CCDC7: variants seen among roughly 807,000 people sequenced by gnomAD.
CCDC7 encodes coiled-coil domain containing 7, also known as coiled-coil domain-containing protein 7.
A neutral mutation model predicts 196.9 loss-of-function variants in CCDC7; 183 were observed. The observed-to-expected ratio is 0.93, with a 90% CI of 0.82 to 1.05. CCDC7 has a LOEUF of 1.05. Ranked by LOEUF, CCDC7 falls within the 50% of genes least tolerant of loss-of-function variation. The pLI is 0.00. For synonymous variants in CCDC7, 525 were observed against 484.6 expected, an observed-to-expected ratio of 1.08 and a Z score of -1.10; for missense variants, 1,540 against 1,482.2, an observed-to-expected ratio of 1.04 and a Z score of -0.64.
intron 18 of CCDC7, among the ~76,000 whole-genome samples, chr10:32,632,336 G>C (rs917250554): frequency 8.6e-5 from 13 of 151,458 alleles, no homozygotes; most frequent in Admixed American, 8.5e-4. Context: ...GCTTTTTTTC[G>C]AACTATTGAG....
At chr10:32,746,971 C>G (rs1332004287) in intron 28 of CCDC7, among the ~76,000 whole-genome samples, 1 of 152,240 alleles carries the variant, frequency 6.6e-6, no homozygotes, top group African/African-American at 2.4e-5. Flanking sequence ...GCAGAATCCA[C>G]AGTGCTGCTG....
chr10:32,601,897 A>G (rs2061062945), intron 18 of CCDC7, among the ~76,000 whole-genome samples: 1 of 152,100 alleles, frequency 6.6e-6, no homozygotes, highest in Non-Finnish European at 1.5e-5. Flanking sequence ...AGTGCTCTGT[A>G]AAATGGACCA....
intron 14 of CCDC7, among the ~76,000 whole-genome samples, chr10:32,567,006 T>C (rs954588753): frequency 4.5e-5 from 6 of 132,408 alleles, no homozygotes; most frequent in African/African-American, 1.6e-4. Context: ...AAAAATATCT[T>C]TGTGTAATTT....
chr10:32,480,573 G>A (rs1416927811), intron 8 of CCDC7, among the ~76,000 whole-genome samples: 1 of 152,008 alleles, frequency 6.6e-6, no homozygotes, highest in Non-Finnish European at 1.5e-5. Flanking sequence ...CCATTTTTGT[G>A]TGTCATAAGA....
chr10:32,858,883 G>A (rs1409418622), intron 41 of CCDC7, among the ~76,000 whole-genome samples: 5 of 152,000 alleles, frequency 3.3e-5, no homozygotes, highest in East Asian at 1.9e-4. Flanking sequence ...CTAAATATAT[G>A]TGCATCCAAT....
intron 28 of CCDC7, among the ~76,000 whole-genome samples, chr10:32,765,438 G>A (rs771505226): frequency 6.6e-6 from 1 of 151,858 alleles, no homozygotes; most frequent in Non-Finnish European, 1.5e-5. Flanking sequence ...TCATCCTCTT[G>A]TCATTTCCCC....
At chr10:32,728,263 A>AT (rs1347370589) in intron 26 of CCDC7, among the ~76,000 whole-genome samples, 6 of 152,030 alleles carry the variant, frequency 3.9e-5, no homozygotes, top group South Asian at 2.1e-4. Flanking sequence ...AAGGTTCTAC[A>AT]TTTTTTTTAA....
chr10:32,879,068 T>C (rs1464582898), downstream of CCDC7, among the ~76,000 whole-genome samples: 1 of 151,774 alleles, frequency 6.6e-6, no homozygotes, highest in Non-Finnish European at 1.5e-5. Context: ...TTTTTTTTTA[T>C]TTAAGTTCTG....
intron 36 of CCDC7, among the ~76,000 whole-genome samples, 166 bp from the exon 38 acceptor site, chr10:32,846,210 T>C (rs948006167): frequency 6.6e-6 from 1 of 151,634 alleles, no homozygotes; most frequent in Non-Finnish European, 1.5e-5. Flanking sequence ...AGACCTTTAA[T>C]GACAACAGTG....
chr10:32,737,252 A>G (rs896397763), intron 28 of CCDC7, among the ~76,000 whole-genome samples: 1 of 152,244 alleles, frequency 6.6e-6, no homozygotes, highest in Admixed American at 6.5e-5. Context: ...TGTTGAATTC[A>G]ATTTGCTAAC....
intron 9 of CCDC7, among the ~76,000 whole-genome samples, 166 bp from the exon 11 acceptor site, chr10:32,517,774 TAATAA>T (rs1044829924): frequency 2.0e-5 from 3 of 147,908 alleles, no homozygotes; most frequent in South Asian, 2.2e-4. Flanking sequence ...AGTATAATAA[TAATAA>T]AATAAATAAA....
At chr10:32,876,503 G>A (rs754892142), downstream of CCDC7, 112 of 1,050,060 alleles carry the variant, frequency 1.1e-4, no homozygotes, top group Non-Finnish European at 1.4e-4. Context: ...CGTGTGGATG[G>A]TGCTTATTGA....
intron 3 of CCDC7, among the ~76,000 whole-genome samples, chr10:32,461,520 A>G (rs2035609203): frequency 6.6e-6 from 1 of 152,006 alleles, no homozygotes; most frequent in African/African-American, 2.4e-5. Context: ...CATTAAAAAT[A>G]TTAAGTAGTA....
intron 8 of CCDC7, among the ~76,000 whole-genome samples, chr10:32,480,482 C>T (rs1223022167): frequency 6.6e-6 from 1 of 152,040 alleles, no homozygotes; most frequent in Admixed American, 6.5e-5. Context: ...ACACTGTGCC[C>T]AGCTTGAATG....
At chr10:32,684,091 G>A (rs929284862) in intron 21 of CCDC7, among the ~76,000 whole-genome samples, 1 of 149,762 alleles carries the variant, frequency 6.7e-6, no homozygotes, top group Non-Finnish European at 1.5e-5. Flanking sequence ...TGATCAGGTT[G>A]GGGGGTGGGG....
At chr10:32,732,692 G>A (rs1592149519) in intron 28 of CCDC7, among the ~76,000 whole-genome samples, 2 of 151,922 alleles carry the variant, frequency 1.3e-5, no homozygotes, top group South Asian at 4.1e-4. Flanking sequence ...TATTTTTAGA[G>A]CATTCTTATG....
At chr10:32,603,916 ATTGT>A (rs2061326769) in intron 18 of CCDC7, among the ~76,000 whole-genome samples, 1 of 151,694 alleles carries the variant, frequency 6.6e-6, no homozygotes, top group Non-Finnish European at 1.5e-5. Flanking sequence ...CTTTTTATTG[ATTGT>A]TTCTTCTGCT....
At chr10:32,457,697 T>C (rs12251052) in intron 3 of CCDC7, among the ~76,000 whole-genome samples, 16,081 of 152,200 alleles carry the variant, frequency 0.11, 1,049 homozygotes, top group South Asian at 0.25. Flanking sequence ...GTATTTATTA[T>C]CTTTTTTCTT....
chr10:32,546,056 C>A (rs1395346310), intron 13 of CCDC7, among the ~76,000 whole-genome samples: 1 of 152,012 alleles, frequency 6.6e-6, no homozygotes, highest in Non-Finnish European at 1.5e-5. Flanking sequence ...ATTCTACAAG[C>A]AGGCAAAACA....
Sources: allele counts gnomAD v4.1 joint callset (sites outside exome capture counted in the v4.1 genomes callset), GRCh38; gene constraint gnomAD v4.1.1; transcripts MANE v1.5; gene names NCBI Gene and HGNC (gene_info 2026-07-23, HGNC 2026-07-21).